RBFOX1: variants seen among roughly 807,000 people sequenced by gnomAD.
RBFOX1 encodes the protein RNA binding fox-1 homolog 1.
Under a neutral mutation model 57.7 loss-of-function variants are expected in RBFOX1, and 8 were observed. The observed-to-expected ratio is 0.14, with a 90% CI of 0.08 to 0.25. The LOEUF is 0.25. Ranked by LOEUF, RBFOX1 falls within the 10% of genes least tolerant of loss-of-function variation. The pLI is 1.00. For synonymous variants in RBFOX1, 326 were observed against 222.4 expected (o/e 1.47, Z -4.15); for missense variants, 611 against 548.5 (o/e 1.11, Z -1.14).
At chr16:5,793,931 G>C (rs561304084) in intron 3 of RBFOX1, among the ~76,000 whole-genome samples, 1 of 152,282 alleles carries the variant, frequency 6.6e-6, no homozygotes, top group South Asian at 2.1e-4. Context: ...AGCCATTTAA[G>C]CTCTCTGTGC....
At chr16:5,346,103 A>G (rs2065133618) in intron 1 of RBFOX1, among the ~76,000 whole-genome samples, 1 of 152,192 alleles carries the variant, frequency 6.6e-6, no homozygotes, top group Non-Finnish European at 1.5e-5. Context: ...GAGACAGACA[A>G]GCGCACAGAG....
At position 6,555,379 on chromosome 16, in the gene RBFOX1, C is replaced by G. The variant is rs74005283; in HGVS notation, c.-63-99224C>G. On this transcript the variant is annotated intron_variant, in intron 2 of 15. Coordinates refer to ENST00000550418, the MANE Select transcript of RBFOX1 (RefSeq NM_018723.4). ...AATATGGGTTTGACCACACAGTAGT[C>G]AGAAGTCTAGTTCTTCATGTATTAA... Among the ~76,000 whole-genome samples, 181 of 152,218 alleles carry G rather than the reference C, an allele frequency of 1.2e-3. 1 individual carries two copies. The highest frequency in any genetic ancestry group is 4.2e-3 in the African/African-American group (175 of 41,518).
At position 7,509,426 on chromosome 16, in the gene RBFOX1, G is replaced by GTGTGTGTC. The variant is rs1555531504; in HGVS notation, c.28-8716_28-8715insGTCTGTGT. Reference sequence around the variant, plus strand: ...TGTGTGTGTGTGTGTGTGTGTGTGTGTGTGTCTGTGTCTGTGTCTGTGTGT... The same window carrying GTGTGTGTC: ...TGTGTGTGTGTGTGTGTGTGTGTGTGTGTGTGTCTGTGTCTGTGTCTGTGTCTGTGTGT... On this transcript the variant is annotated intron_variant, in intron 4 of 15. Transcript: ENST00000550418. Among the ~76,000 whole-genome samples the GTGTGTGTC allele has an allele frequency of 2.8e-3, 406 of 146,432 alleles. 1 individual carries two copies. The highest frequency in any genetic ancestry group is 0.014 in the Middle Eastern group (4 of 292).
intron 3 of RBFOX1, among the ~76,000 whole-genome samples, chr16:6,776,237 CAG>C (rs2079315856): frequency 6.6e-6 from 1 of 151,726 alleles, no homozygotes; most frequent in Admixed American, 6.6e-5. Context: ...CGGTGAAACC[CAG>C]TCTCTACTAA....
At chr16:7,319,280 A>G (rs922885051) in intron 4 of RBFOX1, among the ~76,000 whole-genome samples, 23 of 152,206 alleles carry the variant, frequency 1.5e-4, no homozygotes, top group African/African-American at 5.5e-4. Flanking sequence ...GTTGGGGGAG[A>G]TGTAAATGAA....
intron 4 of RBFOX1, among the ~76,000 whole-genome samples, chr16:7,398,965 CA>C (rs1270500331): frequency 6.6e-6 from 1 of 152,134 alleles, no homozygotes; most frequent in Admixed American, 6.5e-5. Context: ...AATTGGGAGG[CA>C]AAAAGTTTGA....
intron 1 of RBFOX1, among the ~76,000 whole-genome samples, chr16:6,233,661 C>T (rs544931162): frequency 2.0e-5 from 3 of 152,074 alleles, no homozygotes; most frequent in Non-Finnish European, 4.4e-5. Context: ...CAGCCTGGAG[C>T]ACAGTAGAGC....
At chr16:5,742,651 C>G (rs1320818757) in intron 3 of RBFOX1, among the ~76,000 whole-genome samples, 1 of 152,204 alleles carries the variant, frequency 6.6e-6, no homozygotes, top group South Asian at 2.1e-4. Flanking sequence ...TAATGCTCAA[C>G]TAGGCATAAC....
chr16:6,566,474 C>T (rs986890503), intron 2 of RBFOX1, among the ~76,000 whole-genome samples: 21 of 151,912 alleles, frequency 1.4e-4, no homozygotes, highest in Non-Finnish European at 2.8e-4. Context: ...GAAATGTTGG[C>T]TTTCTTAATC....
At chr16:7,357,364 G>T (rs2097236649) in intron 4 of RBFOX1, among the ~76,000 whole-genome samples, 2 of 152,068 alleles carry the variant, frequency 1.3e-5, no homozygotes, top group East Asian at 1.9e-4. Flanking sequence ...GAAAACAAAA[G>T]ATTCCAATGA....
At chr16:7,254,703 C>T (rs1236619128) in intron 4 of RBFOX1, among the ~76,000 whole-genome samples, 1 of 151,976 alleles carries the variant, frequency 6.6e-6, no homozygotes, top group East Asian at 1.9e-4. Flanking sequence ...CATTCACAAG[C>T]CATTTTTGCA....
At chr16:5,954,711 T>C (rs2059588846) in intron 4 of RBFOX1, among the ~76,000 whole-genome samples, 1 of 152,126 alleles carries the variant, frequency 6.6e-6, no homozygotes, top group South Asian at 2.1e-4. Context: ...GTGTGCGCCG[T>C]GAGCTATTAT....
chr16:6,283,815 G>C (rs2076633615), intron 1 of RBFOX1, among the ~76,000 whole-genome samples: 1 of 152,208 alleles, frequency 6.6e-6, no homozygotes, highest in Non-Finnish European at 1.5e-5. Flanking sequence ...TTGACAGTGA[G>C]TGGCAGAGAT....
chr16:5,549,918 C>G (rs980985711), intron 2 of RBFOX1, among the ~76,000 whole-genome samples: 1 of 152,090 alleles, frequency 6.6e-6, no homozygotes, highest in African/African-American at 2.4e-5. Flanking sequence ...GCACAATGAA[C>G]TGAGGTTGCT....
intron 3 of RBFOX1, among the ~76,000 whole-genome samples, chr16:6,730,485 C>G (rs144529487): frequency 6.6e-6 from 1 of 152,114 alleles, no homozygotes; most frequent in Admixed American, 6.5e-5. Flanking sequence ...AATTACCTAA[C>G]TGTCTAATCT....
intron 1 of RBFOX1, among the ~76,000 whole-genome samples, chr16:6,265,148 C>T (rs199635099): frequency 6.6e-5 from 10 of 152,248 alleles, no homozygotes; most frequent in East Asian, 5.8e-4. Flanking sequence ...ATGTTAGACA[C>T]GAGGAAACCT....
At chr16:6,850,555 C>T (rs1354337084) in intron 3 of RBFOX1, among the ~76,000 whole-genome samples, 2 of 152,166 alleles carry the variant, frequency 1.3e-5, no homozygotes, top group East Asian at 1.9e-4. Context: ...TGTACCCACA[C>T]AGCTAAGATT....
At chr16:5,522,151 C>A (rs1299568448) in intron 2 of RBFOX1, among the ~76,000 whole-genome samples, 1 of 152,204 alleles carries the variant, frequency 6.6e-6, no homozygotes, top group Admixed American at 6.5e-5. Context: ...GTAAGCTCAG[C>A]TCCTCTCCAT....
rs578149563 is a variant in RBFOX1, at chr16:6,693,778, C to G, written c.-16+39128C>G. Reference sequence around the variant, plus strand: ...TCACCACCATCATTAGCAACATCATCTTCCTCCGCTGCCATCACCACCACC... The same window carrying G: ...TCACCACCATCATTAGCAACATCATGTTCCTCCGCTGCCATCACCACCACC... On this transcript the variant is annotated intron_variant, in intron 3 of 15. Transcript: ENST00000550418. Among the ~76,000 whole-genome samples the G allele has an allele frequency of 1.1e-4, 17 of 152,008 alleles. No homozygotes were observed. The South Asian group carries it at 3.1e-3, about 28-fold the overall frequency.
Sources: allele counts gnomAD v4.1 joint callset (sites outside exome capture counted in the v4.1 genomes callset), GRCh38; gene constraint gnomAD v4.1.1; transcripts MANE v1.5; gene names NCBI Gene and HGNC (gene_info 2026-07-23, HGNC 2026-07-21).